The following PKN2 variants were observed in gnomAD, a reference collection of about 807,000 sequenced individuals.
The protein encoded by PKN2 is protein kinase N2.
In PKN2, 38 loss-of-function variants were observed where a neutral mutation model predicts 119.1. The ratio of observed to expected loss-of-function variants is 0.32; its 90% confidence interval spans 0.25 to 0.42. PKN2 has a LOEUF of 0.42. PKN2 is among the 10% of genes least tolerant of loss of function. PKN2 has a pLI of 1.00. For synonymous variants in PKN2, 390 were observed against 384.9 expected, an observed-to-expected ratio of 1.01 and a Z score of -0.15; for missense variants, 850 against 1,165.1, an observed-to-expected ratio of 0.73 and a Z score of 3.94.
At position 88,834,736 on chromosome 1, in the gene PKN2, G is replaced by A. The variant is rs550553066; in HGVS notation, c.*1288G>A. On this transcript the variant is annotated 3_prime_UTR_variant, in exon 22 of 22. Coordinates refer to ENST00000370521, the MANE Select transcript of PKN2 (RefSeq NM_006256.4). ...TTTTATACAACTCTTCAAAGGATCC[G>A]TCTGTGGCTTTTTATACTCTTTTAG... The A allele has an allele frequency of 3.9e-5, 6 of 152,294 alleles. No homozygotes were observed. The highest frequency in any genetic ancestry group is 3.9e-4 in the East Asian group (2 of 5,188). 9.4% of individuals were successfully genotyped at this position (152,294 alleles called of 1,614,324 possible). A position where few individuals can be genotyped will look rare whatever the true frequency, so the allele number is the denominator to read the frequency against.
In PKN2 at chr1:88,768,213, AG is replaced by A. The variant is rs886709330; in HGVS notation, c.505-2138del. On this transcript the variant is annotated intron_variant, in intron 3 of 21. Transcript: ENST00000370521. ...TTTTTAAAATTTCTTAGTTTTCTAC[AG>A]TTGCTGTAACAAATTATCACAAATT... Among the ~76,000 whole-genome samples, 3 of 152,336 alleles carry A rather than the reference AG, an allele frequency of 2.0e-5. No homozygotes were observed. The East Asian group carries it at 5.8e-4, about 29-fold the overall frequency.
intron 1 of PKN2, among the ~76,000 whole-genome samples, chr1:88,726,434 A>AT (rs1317453092): frequency 6.6e-6 from 1 of 152,030 alleles, no homozygotes; most frequent in Non-Finnish European, 1.5e-5. Context: ...TGATCATGTG[A>AT]TTTTTTAAAT....
At chr1:88,726,811 C>T (rs1003058343) in intron 1 of PKN2, among the ~76,000 whole-genome samples, 1 of 151,782 alleles carries the variant, frequency 6.6e-6, no homozygotes, top group African/African-American at 2.4e-5. Context: ...TTGATTCATA[C>T]TCTGTATGCT....
chr1:88,814,619 A>C (rs934611360), intron 16 of PKN2, among the ~76,000 whole-genome samples: 1 of 152,044 alleles, frequency 6.6e-6, no homozygotes, highest in Non-Finnish European at 1.5e-5. Context: ...TACCTACCTC[A>C]TCTACTACTC....
chr1:88,701,910 G>A (rs1422067039), intron 1 of PKN2, among the ~76,000 whole-genome samples: 1 of 152,140 alleles, frequency 6.6e-6, no homozygotes, highest in Non-Finnish European at 1.5e-5. Context: ...AGTGACTTGT[G>A]CAACAGTCAT....
Position 88,835,896 on chromosome 1 carries a change from T to C in PKN2, c.*2448T>C, listed in dbSNP as rs946518297. ...TGTGTTCAAAATCTCAAAGACTAAT[T>C]AACTTTAATAAACATTCTTGCAAGT... is the stretch of plus-strand genomic sequence containing the variant. On this transcript the variant is annotated 3_prime_UTR_variant, in exon 22 of 22. Coordinates refer to ENST00000370521, the MANE Select transcript of PKN2 (RefSeq NM_006256.4). 1 of 152,168 alleles carries C rather than the reference T, an allele frequency of 6.6e-6. No homozygotes were observed. Among genetic ancestry groups the C allele is most frequent in the Non-Finnish European group, 1.5e-5 (1 of 67,978 alleles). 9.4% of individuals were successfully genotyped at this position (152,168 alleles called of 1,614,324 possible).
At chr1:88,696,715 G>A (rs950373167) in intron 1 of PKN2, among the ~76,000 whole-genome samples, 3 of 152,098 alleles carry the variant, frequency 2.0e-5, no homozygotes, top group Non-Finnish European at 4.4e-5. Flanking sequence ...CTCTTGTGAG[G>A]TTGGGACAGA....
In PKN2 at chr1:88,711,065, CTGTCTTA is replaced by C. The variant is rs201386200; in HGVS notation, c.48+26439_48+26445del. Among the ~76,000 whole-genome samples the C allele has an allele frequency of 2.4e-3, 369 of 152,260 alleles. 1 individual carries two copies. Among genetic ancestry groups the C allele is most frequent in the African/African-American group, 8.6e-3 (358 of 41,556 alleles). On this transcript the variant is annotated intron_variant, in intron 1 of 21. Transcript: ENST00000370521. ...AACAGAAAACGAAATACTACATGTT[CTGTCTTA>C]TAAGTGGGAGCTAAATGATGAGAAC...
At position 88,813,659 on chromosome 1, in the gene PKN2, T is replaced by C; in HGVS notation, c.2205T>C (p.Phe735=). ...ACFQTKEHVC[F]VMEYAAGGDL... The stretch of plus-strand genomic sequence containing the variant: ...TCCAAACCAAAGAGCATGTTTGCTT[T>C]GTAATGGAATATGCTGCCGGTGGGG... Residue 735 remains phenylalanine, a synonymous_variant, in exon 16 of 22, where the codon TTT becomes TTC. Coordinates refer to ENST00000370521, the MANE Select transcript of PKN2 (RefSeq NM_006256.4). 6.2e-7 allele frequency: 1 copy of C among 1,610,284 alleles called. No homozygotes were observed. Among genetic ancestry groups the C allele is most frequent in the Non-Finnish European group, 8.5e-7 (1 of 1,178,638 alleles).
In PKN2 at chr1:88,805,350, C is replaced by T. The variant is rs1397514362; in HGVS notation, c.1502-147C>T. 8.0e-6 allele frequency: 5 copies of T among 624,476 alleles called. No individual in the cohort carries two copies. The East Asian group carries it at 1.4e-4, about 18-fold the overall frequency. The allele number at this position is 624,476 out of a possible 1,614,324, so 38.7% of individuals were successfully genotyped here. On this transcript the variant is annotated intron_variant, in intron 10 of 21. Transcript: ENST00000370521. ...GCTATTTTGCATTAGCCTTTACTAG[C>T]AAATAGTAAAAAACTAGTTTTTTTA... is the stretch of plus-strand genomic sequence containing the variant.
chr1:88,821,227 T>C (rs1366886833), intron 16 of PKN2, among the ~76,000 whole-genome samples: 1 of 152,232 alleles, frequency 6.6e-6, no homozygotes, highest in Non-Finnish European at 1.5e-5. Context: ...TTTTAAGTTT[T>C]TGTGAATCTG....
At chr1:88,773,422 C>G (rs1216246015) in intron 6 of PKN2, among the ~76,000 whole-genome samples, 1 of 151,942 alleles carries the variant, frequency 6.6e-6, no homozygotes, top group Admixed American at 6.6e-5. Context: ...GTGTCAAACT[C>G]CTGGCCTCAA....
chr1:88,728,729 T>G (rs1668000371), intron 1 of PKN2, among the ~76,000 whole-genome samples: 1 of 152,112 alleles, frequency 6.6e-6, no homozygotes, highest in South Asian at 2.1e-4. Flanking sequence ...ACTGTTGGAG[T>G]TGGGATTTAC....
intron 6 of PKN2, among the ~76,000 whole-genome samples, chr1:88,773,610 T>A (rs1393898646): frequency 6.6e-6 from 1 of 152,164 alleles, no homozygotes; most frequent in East Asian, 1.9e-4. Flanking sequence ...GTTTGCTGTT[T>A]ATTTAATAGT....
rs1671519745 is a variant in PKN2, at chr1:88,805,951, A to G, written c.1737A>G (p.Pro579=). ...DLEPEPPPAP[P]RASSLGEIDE... ...AGCCTGAACCTCCTCCAGCCCCACC[A>G]CGAGCTTCTTCTCTTGGAGAAATAG... The change falls in exon 12 of 22, where the codon CCA becomes CCG. Residue 579 remains proline, a synonymous_variant. Transcript: ENST00000370521. 6.2e-7 allele frequency: 1 copy of G among 1,613,630 alleles called. No individual in the cohort carries two copies. Among genetic ancestry groups the G allele is most frequent in the Non-Finnish European group, 8.5e-7 (1 of 1,179,584 alleles).
chr1:88,712,488 G>A (rs1433049847), intron 1 of PKN2, among the ~76,000 whole-genome samples: 1 of 152,144 alleles, frequency 6.6e-6, no homozygotes, highest in Non-Finnish European at 1.5e-5. Context: ...TGTAGGAGGA[G>A]TGTACTTTCA....
chr1:88,743,199 A>G (rs1404242816), intron 2 of PKN2, among the ~76,000 whole-genome samples: 1 of 152,144 alleles, frequency 6.6e-6, no homozygotes, highest in Non-Finnish European at 1.5e-5. Flanking sequence ...CAAAAATAAA[A>G]GGTTTATTGA....
intron 12 of PKN2, chr1:88,806,319 G>T: frequency 3.2e-6 from 1 of 311,558 alleles, no homozygotes. Flanking sequence ...ACAGGCACAT[G>T]CCACCATGCC....
intron 3 of PKN2, among the ~76,000 whole-genome samples, chr1:88,761,612 T>TAAAA (rs368283566): frequency 2.9e-5 from 3 of 102,018 alleles, no homozygotes; most frequent in African/African-American, 7.2e-5. Context: ...CCTGTCTCTT[T>TAAAA]AAAAAAAAAA....
Sources: gnomAD v4.1 joint callset for allele counts (sites outside exome capture counted in the v4.1 genomes callset) on GRCh38, gnomAD v4.1.1 for gene constraint, MANE v1.5 for transcripts, NCBI Gene and HGNC (gene_info 2026-07-23, HGNC 2026-07-21) for gene names.